The following NRG2 variants were observed in gnomAD, a reference collection of about 807,000 sequenced individuals.
NRG2 encodes the protein pro-neuregulin-2, membrane-bound isoform.
In NRG2, 27 loss-of-function variants were observed where a neutral mutation model predicts 73.9. That is an observed-to-expected ratio of 0.37 (90% CI 0.27 to 0.50). The LOEUF is 0.50. Ranked by LOEUF, NRG2 falls within the 20% of genes least tolerant of loss-of-function variation. The pLI is 0.96. For synonymous variants in NRG2, 532 were observed against 541.0 expected, an observed-to-expected ratio of 0.98 and a Z score of 0.23; for missense variants, 1,126 against 1,210.1, an observed-to-expected ratio of 0.93 and a Z score of 1.03.
intron 1 of NRG2, among the ~76,000 whole-genome samples, chr5:140,015,748 C>T (rs1190584134): frequency 1.3e-5 from 2 of 152,114 alleles, no homozygotes; most frequent in Non-Finnish European, 2.9e-5. Context: ...GGAGGGCTTC[C>T]CTGCAGGCTT....
chr5:139,879,795 C>T (rs1417897633), intron 3 of NRG2, among the ~76,000 whole-genome samples: 1 of 152,130 alleles, frequency 6.6e-6, no homozygotes, highest in Non-Finnish European at 1.5e-5. Context: ...AGAAAGAAGA[C>T]TGGCAAGGAC....
intron 1 of NRG2, among the ~76,000 whole-genome samples, chr5:139,929,628 A>G (rs1752311236): frequency 6.6e-6 from 1 of 152,188 alleles, no homozygotes; most frequent in African/African-American, 2.4e-5. Context: ...GAGAAGCCAC[A>G]CTTCCATATG....
At chr5:139,864,200 C>A (rs1280358192) in intron 5 of NRG2, among the ~76,000 whole-genome samples, 2 of 152,080 alleles carry the variant, frequency 1.3e-5, no homozygotes, top group African/African-American at 4.8e-5. Context: ...GCCTTGCAAG[C>A]CAGCGGACCC....
chr5:140,009,646 T>C (rs1400963367), intron 1 of NRG2, among the ~76,000 whole-genome samples: 1 of 152,238 alleles, frequency 6.6e-6, no homozygotes, highest in African/African-American at 2.4e-5. Context: ...TCCCACATCC[T>C]TGCCAGCTTT....
chr5:139,875,204 G>A (rs1285237073), intron 3 of NRG2, among the ~76,000 whole-genome samples: 1 of 152,100 alleles, frequency 6.6e-6, no homozygotes, highest in Non-Finnish European at 1.5e-5. Context: ...GTAGAGATGG[G>A]GTTTCACCAT....
intron 1 of NRG2, among the ~76,000 whole-genome samples, chr5:139,982,550 C>G (rs1756883800): frequency 6.6e-6 from 1 of 152,162 alleles, no homozygotes; most frequent in Non-Finnish European, 1.5e-5. Context: ...TGCTTTTCTT[C>G]AAGTCGTAGT....
intron 1 of NRG2, among the ~76,000 whole-genome samples, chr5:139,908,491 T>G (rs1765386252): frequency 6.6e-6 from 1 of 152,220 alleles, no homozygotes; most frequent in Admixed American, 6.5e-5. Context: ...ATTAACTCAC[T>G]TAATTCTTCA....
chr5:139,990,332 T>G (rs1181548469), intron 1 of NRG2, among the ~76,000 whole-genome samples: 1 of 151,728 alleles, frequency 6.6e-6, no homozygotes, highest in African/African-American at 2.4e-5. Context: ...GATGGAGTTT[T>G]GCTCTTATCA....
intron 1 of NRG2, among the ~76,000 whole-genome samples, chr5:139,893,141 G>C (rs1764327044): frequency 6.6e-6 from 1 of 152,166 alleles, no homozygotes; most frequent in Admixed American, 6.5e-5. Flanking sequence ...TCTGCCAAAA[G>C]ACTTTTCTCT....
intron 1 of NRG2, among the ~76,000 whole-genome samples, chr5:139,930,784 C>G (rs1476233821): frequency 2.6e-5 from 4 of 152,226 alleles, no homozygotes; most frequent in Non-Finnish European, 5.9e-5. Context: ...TGATGAAGAG[C>G]ACAGCCAGGG....
intron 1 of NRG2, among the ~76,000 whole-genome samples, chr5:140,000,624 C>A (rs1367246608): frequency 6.6e-6 from 1 of 152,230 alleles, no homozygotes. Context: ...CTGAGCTGAA[C>A]TTGGCTCTCA....
chr5:139,867,383 G>A (rs1762530498), intron 4 of NRG2, among the ~76,000 whole-genome samples: 1 of 152,034 alleles, frequency 6.6e-6, no homozygotes, highest in Non-Finnish European at 1.5e-5. Flanking sequence ...AAGTGGCATG[G>A]GTGGGAAGAG....
intron 1 of NRG2, among the ~76,000 whole-genome samples, chr5:139,896,051 G>A (rs541326208): frequency 3.9e-5 from 6 of 152,310 alleles, no homozygotes; most frequent in African/African-American, 1.4e-4. Flanking sequence ...AGTTGTTTCT[G>A]AAGCTCTGAG....
intron 1 of NRG2, among the ~76,000 whole-genome samples, chr5:139,969,913 C>T (rs1268335414): frequency 6.6e-6 from 1 of 152,142 alleles, no homozygotes; most frequent in African/African-American, 2.4e-5. Context: ...GTGCTATCAT[C>T]GCCTAAGAAT....
chr5:140,042,984 C>G lies in NRG2; in HGVS notation c.86G>C (p.Ser29Thr). The G allele has an allele frequency of 6.4e-7, 1 of 1,554,728 alleles. No homozygotes were observed. The highest frequency in any genetic ancestry group is 1.2e-5 in the South Asian group (1 of 85,606). The change falls in exon 1 of 10, where the codon AGC becomes ACC. Residue 29 changes from serine (S) to threonine (T), a missense_variant. By Grantham distance (58) the Ser-to-Thr change is moderately conservative. Coordinates refer to ENST00000361474, the MANE Select transcript of NRG2 (RefSeq NM_004883.3). The stretch of plus-strand genomic sequence containing the variant: ...GCTGCTGCTGCTGCTCCTCTCGCTG[C>G]TGCTGCTGCTGCTGTCGCTGTAGCT... ...CSSYSDSSSS[S>T]SERSSSSSSS...
At chr5:139,911,629 T>A (rs1320189495) in intron 1 of NRG2, among the ~76,000 whole-genome samples, 1 of 152,174 alleles carries the variant, frequency 6.6e-6, no homozygotes, top group Non-Finnish European at 1.5e-5. Flanking sequence ...GCTGCCAGCC[T>A]CTTCCAGGGC....
intron 1 of NRG2, among the ~76,000 whole-genome samples, chr5:139,897,598 G>T (rs553179548): frequency 7.4e-4 from 113 of 152,266 alleles, no homozygotes; most frequent in Non-Finnish European, 1.4e-3. Context: ...TCTGTCACTG[G>T]GTAGGTGTTC....
intron 1 of NRG2, among the ~76,000 whole-genome samples, chr5:140,036,735 A>C (rs899725635): frequency 6.6e-6 from 1 of 152,278 alleles, no homozygotes; most frequent in Non-Finnish European, 1.5e-5. Context: ...CAAACACAAA[A>C]TTTGGGGGAA....
chr5:140,006,253 CA>C (rs1758891080), intron 1 of NRG2, among the ~76,000 whole-genome samples: 1 of 152,178 alleles, frequency 6.6e-6, no homozygotes, highest in South Asian at 2.1e-4. Flanking sequence ...GTATTATAAA[CA>C]AAATGGAGAT....
Sources: allele counts gnomAD v4.1 joint callset (sites outside exome capture counted in the v4.1 genomes callset), GRCh38; gene constraint gnomAD v4.1.1; transcripts MANE v1.5; gene names NCBI Gene and HGNC (gene_info 2026-07-23, HGNC 2026-07-21).